Variants in ZFHX3 observed in about 807,000 individuals in gnomAD.
The protein encoded by ZFHX3 is zinc finger homeobox 3.
Under a neutral mutation model 279.1 loss-of-function variants are expected in ZFHX3, and 42 were observed. The ratio of observed to expected loss-of-function variants is 0.15; its 90% CI spans 0.12 to 0.19. The LOEUF (loss-of-function observed/expected upper bound fraction) is 0.19, where lower values mean the gene tolerates loss of function less well. Ranked by LOEUF, ZFHX3 falls within the 10% of genes least tolerant of loss-of-function variation. The pLI is 1.00. For synonymous variants in ZFHX3, 2,293 were observed against 1,957.8 expected (o/e 1.17, Z -4.52); for missense variants, 4,981 against 4,754.0 (o/e 1.05, Z -1.40).
At chr16:72,867,408 TA>T (rs1163952402) in intron 4 of ZFHX3, among the ~76,000 whole-genome samples, 1 of 152,186 alleles carries the variant, frequency 6.6e-6, no homozygotes, top group East Asian at 1.9e-4. Flanking sequence ...AGAACGATTT[TA>T]TAAGTGTGTC....
At chr16:73,000,847 A>C (rs1017011231) in intron 1 of ZFHX3, among the ~76,000 whole-genome samples, 1 of 152,196 alleles carries the variant, frequency 6.6e-6, no homozygotes, top group Non-Finnish European at 1.5e-5. Context: ...CCTTAGGCAA[A>C]GCAATTTTGA....
At chr16:73,593,500 G>A (rs2052019563) in intron 2 of ZFHX3, among the ~76,000 whole-genome samples, 1 of 149,218 alleles carries the variant, frequency 6.7e-6, no homozygotes, top group African/African-American at 2.5e-5. Flanking sequence ...CTCCATTTCT[G>A]CAGGTTCTAT....
At chr16:73,637,417 G>C (rs1006695712) in intron 2 of ZFHX3, among the ~76,000 whole-genome samples, 10 of 151,418 alleles carry the variant, frequency 6.6e-5, no homozygotes, top group African/African-American at 2.4e-4. Flanking sequence ...ATTTTTACTA[G>C]AGACGGGGTT....
At position 73,017,327 on chromosome 16, in the gene ZFHX3, C is replaced by T. The variant is rs115040999; in HGVS notation, c.-50+30425G>A. Among the ~76,000 whole-genome samples, 836 of 151,986 alleles carry T rather than the reference C, an allele frequency of 5.5e-3. 6 individuals carry two copies. The highest frequency in any genetic ancestry group is 0.018 in the African/African-American group (762 of 41,444). On this transcript the variant is annotated intron_variant, in intron 1 of 9. Transcript: ENST00000268489. ...GATGGGAATTTTCTACGTTTGGATT[C>T]AGGGGAGTGGGGTCTTAGTTTTGCT...
intron 2 of ZFHX3, among the ~76,000 whole-genome samples, chr16:73,593,566 G>A (rs1258977850): frequency 2.5e-5 from 3 of 120,988 alleles, no homozygotes; most frequent in Non-Finnish European, 5.0e-5. Flanking sequence ...GAAAAGAAAA[G>A]AGAAGAAAAG....
chr16:73,370,057 T>G (rs1388187720), intron 3 of ZFHX3, among the ~76,000 whole-genome samples: 3 of 152,248 alleles, frequency 2.0e-5, no homozygotes. Context: ...GTTTTCACAC[T>G]GAGGTCAGTG....
chr16:73,237,406 C>T (rs531479037), intron 5 of ZFHX3, among the ~76,000 whole-genome samples: 1 of 152,126 alleles, frequency 6.6e-6, no homozygotes, highest in African/African-American at 2.4e-5. Context: ...CCACTATGCC[C>T]AGCTAATTTT....
intron 2 of ZFHX3, among the ~76,000 whole-genome samples, chr16:73,476,942 T>C (rs1201012769): frequency 6.6e-6 from 1 of 152,184 alleles, no homozygotes; most frequent in African/African-American, 2.4e-5. Flanking sequence ...CTTTGTGAAG[T>C]CTCCAATAGC....
chr16:73,449,294 AG>A (rs1376846645), intron 3 of ZFHX3, among the ~76,000 whole-genome samples: 3 of 152,212 alleles, frequency 2.0e-5, no homozygotes, highest in Admixed American at 6.5e-5. Context: ...GTGCACCTTG[AG>A]TATAAAGGTA....
chr16:73,006,715 T>TAC lies in ZFHX3; in HGVS notation c.-50+41036_-50+41037insGT, dbSNP rs1310459560. Among the ~76,000 whole-genome samples the TAC allele has an allele frequency of 1.0e-2, 1,511 of 151,632 alleles. 29 individuals carry two copies. The highest frequency in any genetic ancestry group is 0.035 in the African/African-American group (1,446 of 41,002). On this transcript the variant is annotated intron_variant, in intron 1 of 9. Coordinates refer to ENST00000268489, the MANE Select transcript of ZFHX3 (RefSeq NM_006885.4). ...AAGGAAAGGAAGGAAGGTGATCAAA[T>TAC]GTATCTCTCACACACATACACACAG...
At chr16:73,484,396 C>T (rs2018935522) in intron 2 of ZFHX3, among the ~76,000 whole-genome samples, 3 of 152,160 alleles carry the variant, frequency 2.0e-5, no homozygotes, top group African/African-American at 7.2e-5. Context: ...GCCCCGAACT[C>T]ATGCCGAAAA....
At chr16:72,886,400 A>T (rs1285447167) in intron 4 of ZFHX3, among the ~76,000 whole-genome samples, 2 of 151,118 alleles carry the variant, frequency 1.3e-5, no homozygotes, top group South Asian at 2.1e-4. Flanking sequence ...CGGGGGAAAA[A>T]CCCCTAGTAT....
At chr16:73,011,845 C>A (rs1056319274) in intron 1 of ZFHX3, among the ~76,000 whole-genome samples, 2 of 151,882 alleles carry the variant, frequency 1.3e-5, no homozygotes, top group African/African-American at 4.8e-5. Context: ...CAACTCAATT[C>A]GGTGGGATAC....
At chr16:73,225,798 C>T (rs1477475035) in intron 5 of ZFHX3, among the ~76,000 whole-genome samples, 2 of 152,068 alleles carry the variant, frequency 1.3e-5, no homozygotes, top group African/African-American at 2.4e-5. Context: ...TCCCACCTAA[C>T]GTTGCATTGC....
At chr16:73,101,854 C>G (rs1966235584) in intron 7 of ZFHX3, among the ~76,000 whole-genome samples, 1 of 151,802 alleles carries the variant, frequency 6.6e-6, no homozygotes, top group South Asian at 2.1e-4. Flanking sequence ...CCCCTTCCAA[C>G]ATGCACCTCA....
At chr16:73,329,619 T>C (rs1037520288) in intron 3 of ZFHX3, among the ~76,000 whole-genome samples, 4 of 152,150 alleles carry the variant, frequency 2.6e-5, no homozygotes, top group African/African-American at 9.7e-5. Flanking sequence ...TGGTGGTGCA[T>C]AAGCAAGCCA....
intron 1 of ZFHX3, among the ~76,000 whole-genome samples, chr16:73,840,277 T>C (rs1409315480): frequency 2.6e-5 from 4 of 152,128 alleles, no homozygotes; most frequent in Admixed American, 2.6e-4. Flanking sequence ...AATCCACCCA[T>C]GTCCTTTTGC....
chr16:72,827,877 T>C (rs181016943), intron 5 of ZFHX3, among the ~76,000 whole-genome samples: 6 of 152,310 alleles, frequency 3.9e-5, no homozygotes, highest in African/African-American at 1.2e-4. Flanking sequence ...GTGCTGCCCA[T>C]TCATTCGGCT....
At chr16:73,409,034 A>T (rs905904656) in intron 3 of ZFHX3, among the ~76,000 whole-genome samples, 1 of 152,154 alleles carries the variant, frequency 6.6e-6, no homozygotes, top group African/African-American at 2.4e-5. Flanking sequence ...TCTGCATTCA[A>T]TCCAGGGATT....
Sources: allele counts gnomAD v4.1 joint callset (sites outside exome capture counted in the v4.1 genomes callset), GRCh38; gene constraint gnomAD v4.1.1; transcripts MANE v1.5; gene names NCBI Gene and HGNC (gene_info 2026-07-23, HGNC 2026-07-21).